The following CDH13 variants were observed in gnomAD, a reference collection of about 807,000 sequenced individuals.
CDH13 encodes the protein cadherin-13.
A neutral mutation model predicts 63.8 loss-of-function variants in CDH13; 24 were observed. The observed-to-expected ratio is 0.38, with a 90% CI of 0.27 to 0.53. CDH13 has a LOEUF of 0.53. CDH13 is among the 20% of genes least tolerant of loss of function. CDH13 has a pLI of 0.85. For missense variants in CDH13, 1,049 were observed against 903.1 expected (o/e 1.16, Z -2.07); for synonymous variants, 503 against 355.3 (o/e 1.42, Z -4.67).
intron 2 of CDH13, among the ~76,000 whole-genome samples, chr16:82,981,674 T>TA (rs1910281422): frequency 6.6e-6 from 1 of 152,222 alleles, no homozygotes; most frequent in Non-Finnish European, 1.5e-5. Context: ...AATAAAATTT[T>TA]AAAAAATCCA....
chr16:82,699,675 C>T (rs2030751078), intron 1 of CDH13, among the ~76,000 whole-genome samples: 1 of 152,216 alleles, frequency 6.6e-6, no homozygotes, highest in African/African-American at 2.4e-5. Flanking sequence ...ACACATTTTG[C>T]ATCCTTACAC....
Position 83,516,004 on chromosome 16 carries a change from C to T in CDH13, c.960+29349C>T, listed in dbSNP as rs79511397. On this transcript the variant is annotated intron_variant, in intron 7 of 13. Transcript: ENST00000567109. The stretch of plus-strand genomic sequence containing the variant: ...ATTAGCTGAATTATTTCCATTTCTG[C>T]TCCAACCAAGAAAATCAATTCAAAC... Among the ~76,000 whole-genome samples the T allele has an allele frequency of 5.8e-4, 89 of 152,224 alleles. 2 individuals are homozygous for T. In the East Asian group the frequency reaches 0.017, roughly 28 times the overall value.
chr16:83,087,671 CAAAAA>C (rs67228844), intron 3 of CDH13, among the ~76,000 whole-genome samples: 30 of 43,998 alleles, frequency 6.8e-4, no homozygotes, highest in African/African-American at 9.6e-4. Flanking sequence ...CCCTCCGTCT[CAAAAA>C]AAAAAAAAAA....
chr16:83,402,548 G>A (rs2091983933), intron 6 of CDH13, among the ~76,000 whole-genome samples: 1 of 152,216 alleles, frequency 6.6e-6, no homozygotes, highest in African/African-American at 2.4e-5. Context: ...GCCCCAGCAA[G>A]TCTCTCCTCA....
Position 83,125,906 on chromosome 16 carries a change from G to A in CDH13, c.483+405G>A, listed in dbSNP as rs116381441. ...TTAGGTCTACGCGTACCACTGGGTC[G>A]GTTTTCCAAAAACTAAACCAGATCA... On this transcript the variant is annotated intron_variant, in intron 4 of 13. Transcript: ENST00000567109. 8.9e-3 allele frequency among the ~76,000 whole-genome samples: 1,349 copies of A among 152,078 alleles called. 19 individuals are homozygous for A. The highest frequency in any genetic ancestry group is 0.031 in the African/African-American group (1,272 of 41,476).
At chr16:83,051,417 A>G (rs2030324693) in intron 3 of CDH13, among the ~76,000 whole-genome samples, 1 of 152,252 alleles carries the variant, frequency 6.6e-6, no homozygotes, top group Non-Finnish European at 1.5e-5. Flanking sequence ...TTGATTTATT[A>G]TGTAACAATG....
At chr16:83,062,983 G>A (rs768019269) in intron 3 of CDH13, among the ~76,000 whole-genome samples, 20 of 126,914 alleles carry the variant, frequency 1.6e-4, no homozygotes, top group Non-Finnish European at 3.2e-4. Flanking sequence ...TTTTTTTTGA[G>A]TCAGAGTATT....
chr16:83,079,494 T>A (rs1166152364), intron 3 of CDH13, among the ~76,000 whole-genome samples: 1 of 152,194 alleles, frequency 6.6e-6, no homozygotes, highest in African/African-American at 2.4e-5. Flanking sequence ...TGTGCTTTAA[T>A]GAGACTTAAA....
intron 2 of CDH13, among the ~76,000 whole-genome samples, chr16:82,949,584 C>T (rs1420426720): frequency 6.6e-6 from 1 of 152,134 alleles, no homozygotes; most frequent in Non-Finnish European, 1.5e-5. Flanking sequence ...TTATAATGAT[C>T]TTTTCTATGA....
chr16:83,485,774 C>G (rs2073872395), intron 6 of CDH13, among the ~76,000 whole-genome samples: 1 of 152,116 alleles, frequency 6.6e-6, no homozygotes, highest in Non-Finnish European at 1.5e-5. Context: ...CTCCTGCACA[C>G]CCAGGAGCAT....
intron 5 of CDH13, among the ~76,000 whole-genome samples, chr16:83,254,949 C>CTTTTCCTTTCTTTCTTTCGTTCGT (rs1358807734): frequency 3.0e-4 from 2 of 6,728 alleles, no homozygotes; most frequent in African/African-American, 3.5e-4. Flanking sequence ...TTTTCTTTTT[C>CTTTTCCTTTCTTTCTTTCGTTCGT]TCTTTCTTTC....
chr16:82,793,451 G>GA (rs11453426), intron 1 of CDH13, among the ~76,000 whole-genome samples: 57,758 of 151,718 alleles, frequency 0.38, 11,438 homozygotes, highest in South Asian at 0.53. Context: ...TTATAGAGGT[G>GA]AAAAAATACC....
At chr16:83,391,648 T>C (rs1342631750) in intron 6 of CDH13, among the ~76,000 whole-genome samples, 8 of 152,094 alleles carry the variant, frequency 5.3e-5, no homozygotes, top group African/African-American at 9.7e-5. Context: ...CCCGCCAGAG[T>C]ATCCTCACAC....
intron 4 of CDH13, among the ~76,000 whole-genome samples, chr16:83,168,624 T>G (rs2037789224): frequency 6.6e-6 from 1 of 152,036 alleles, no homozygotes; most frequent in African/African-American, 2.4e-5. Context: ...AAAACGAACT[T>G]GTAATTTCCC....
In CDH13 at chr16:83,648,231, C is replaced by G. The variant is rs553936962; in HGVS notation, c.1102-22559C>G. ...AATTACACATGTCTGGCCGTGTGTT[C>G]TCAGAGTCACATGTGTATTTTACAT... On this transcript the variant is annotated intron_variant, in intron 8 of 13. Transcript: ENST00000567109. Among the ~76,000 whole-genome samples the G allele has an allele frequency of 3.5e-4, 54 of 152,232 alleles. No homozygotes were observed. In the South Asian group the frequency reaches 0.011, roughly 32 times the overall value.
At chr16:82,992,920 C>G (rs1434830392) in intron 2 of CDH13, among the ~76,000 whole-genome samples, 1 of 152,126 alleles carries the variant, frequency 6.6e-6, no homozygotes, top group Non-Finnish European at 1.5e-5. Context: ...CTCAGGCTTG[C>G]AGGTTTAATG....
intron 7 of CDH13, among the ~76,000 whole-genome samples, chr16:83,565,358 G>T (rs886605285): frequency 1.5e-4 from 21 of 144,294 alleles, no homozygotes; most frequent in African/African-American, 5.4e-4. Flanking sequence ...CATGCCCTTG[G>T]GATTTCCGTT....
intron 1 of CDH13, among the ~76,000 whole-genome samples, chr16:82,805,118 T>C (rs12050982): frequency 0.26 from 38,969 of 151,822 alleles, 5,857 homozygotes; most frequent in South Asian, 0.4. Context: ...TTCACTTTCA[T>C]TGTGTGTGTT....
intron 8 of CDH13, among the ~76,000 whole-genome samples, chr16:83,664,857 G>T (rs1482871616): frequency 1.3e-5 from 2 of 152,188 alleles, no homozygotes; most frequent in African/African-American, 4.8e-5. Flanking sequence ...AAAGCAAATT[G>T]TCAGATATGT....
Sources: allele counts gnomAD v4.1 joint callset (sites outside exome capture counted in the v4.1 genomes callset), GRCh38; gene constraint gnomAD v4.1.1; transcripts MANE v1.5; gene names NCBI Gene and HGNC (gene_info 2026-07-23, HGNC 2026-07-21).